CSMD1: variants seen among roughly 807,000 people sequenced by gnomAD.
The protein encoded by CSMD1 is CUB and sushi domain-containing protein 1.
A neutral mutation model predicts 417.5 loss-of-function variants in CSMD1; 213 were observed. The observed-to-expected ratio is 0.51, with a 90% CI of 0.46 to 0.57. The LOEUF is 0.57. CSMD1 is among the 20% of genes least tolerant of loss of function. CSMD1 has a pLI of 0.00. For synonymous variants in CSMD1, 2,862 were observed against 1,736.8 expected (o/e 1.65, Z -16.11); for missense variants, 6,923 against 4,529.7 (o/e 1.53, Z -15.17).
chr8:4,834,956 C>CAAAAAAAAAAAAA (rs1194297821), intron 1 of CSMD1, among the ~76,000 whole-genome samples: 1 of 19,834 alleles, frequency 5.0e-5, no homozygotes, highest in African/African-American at 1.8e-4. Flanking sequence ...GACTCCATCT[C>CAAAAAAAAAAAAA]AAAAAAAAAA....
chr8:4,012,055 A>T (rs1185122554), intron 4 of CSMD1, among the ~76,000 whole-genome samples: 2 of 152,174 alleles, frequency 1.3e-5, no homozygotes, highest in African/African-American at 4.8e-5. Context: ...TGGTCGGTAC[A>T]GATGCAGCCA....
chr8:4,783,294 C>T (rs939730424), intron 1 of CSMD1, among the ~76,000 whole-genome samples: 1 of 152,134 alleles, frequency 6.6e-6, no homozygotes, highest in Admixed American at 6.6e-5. Flanking sequence ...CAAAACCACA[C>T]AAGGTAAAAC....
At chr8:4,493,165 A>G (rs1351743317) in intron 2 of CSMD1, among the ~76,000 whole-genome samples, 3 of 152,208 alleles carry the variant, frequency 2.0e-5, no homozygotes, top group Non-Finnish European at 4.4e-5. Flanking sequence ...AGGCAGCAAT[A>G]GTATTCTTCA....
intron 25 of CSMD1, among the ~76,000 whole-genome samples, chr8:3,296,720 G>C (rs148324121): frequency 6.6e-6 from 1 of 152,286 alleles, no homozygotes; most frequent in African/African-American, 2.4e-5. Flanking sequence ...AGAGGTGTGC[G>C]TGAGGTGAGG....
chr8:4,876,520 A>G (rs1326568182), intron 1 of CSMD1, among the ~76,000 whole-genome samples: 1 of 152,150 alleles, frequency 6.6e-6, no homozygotes, highest in Non-Finnish European at 1.5e-5. Context: ...ATGTGTAAAC[A>G]TTTAAGCAAA....
Position 2,936,370 on chromosome 8 carries a change from A to ATAT in CSMD1, c.*2214_*2215insATA, listed in dbSNP as rs1554465599. On this transcript the variant is annotated 3_prime_UTR_variant, in exon 70 of 70. Transcript: ENST00000635120. ...GAATGACTCAAACTTAGATATGTACAATATATATATATATATATGTATGTA... is the reference window on the plus strand; with the variant it reads ...GAATGACTCAAACTTAGATATGTACATATATATATATATATATATATGTATGTA... 6 of 146,276 alleles carry ATAT rather than the reference A, an allele frequency of 4.1e-5. No individual in the cohort carries two copies. Among genetic ancestry groups the ATAT allele is most frequent in the Admixed American group, 6.9e-5 (1 of 14,502 alleles). 9.1% of individuals were successfully genotyped at this position (146,276 alleles called of 1,614,324 possible).
intron 3 of CSMD1, among the ~76,000 whole-genome samples, chr8:4,122,240 G>A (rs528743735): frequency 6.6e-6 from 1 of 152,124 alleles, no homozygotes; most frequent in African/African-American, 2.4e-5. Flanking sequence ...GGGAAGTGCA[G>A]TTGGTTTGAC....
chr8:3,468,766 G>T lies in CSMD1; in HGVS notation c.1507C>A (p.His503Asn), dbSNP rs745959484. The T allele has an allele frequency of 4.0e-5, 64 of 1,607,266 alleles. No homozygotes were observed. The highest frequency in any genetic ancestry group is 5.1e-5 in the Non-Finnish European group (60 of 1,177,112). Residue 503 changes from histidine to asparagine, a missense_variant, in exon 12 of 70, where the codon CAT (histidine) becomes AAT (asparagine). Transcript: ENST00000635120. ...IVSMSNQMWL[H>N]LQSDDSIGSP... ...CCAATGCTATCATCCGACTGCAGAT[G>T]TAGCCACATCTGGTTGCTCATGCTC...
intron 5 of CSMD1, among the ~76,000 whole-genome samples, chr8:3,757,674 C>T (rs1584952241): frequency 6.6e-6 from 1 of 152,052 alleles, no homozygotes. Flanking sequence ...ACAAGCATGG[C>T]CAACATGGTG....
At chr8:3,508,850 G>A (rs1305166958) in intron 10 of CSMD1, among the ~76,000 whole-genome samples, 1 of 152,122 alleles carries the variant, frequency 6.6e-6, no homozygotes, top group Non-Finnish European at 1.5e-5. Context: ...CTCCTACACT[G>A]GGAAACGGTG....
intron 26 of CSMD1, among the ~76,000 whole-genome samples, chr8:3,282,305 A>T (rs1325708472): frequency 6.6e-6 from 1 of 152,134 alleles, no homozygotes; most frequent in Non-Finnish European, 1.5e-5. Flanking sequence ...TGTGCTGTGG[A>T]CAGAGAGCAC....
At chr8:4,597,413 C>G (rs943584830) in intron 2 of CSMD1, among the ~76,000 whole-genome samples, 1 of 152,090 alleles carries the variant, frequency 6.6e-6, no homozygotes, top group Non-Finnish European at 1.5e-5. Context: ...TATCCATCCC[C>G]AAATGTAAAT....
At chr8:4,716,852 A>G (rs1332393243) in intron 1 of CSMD1, among the ~76,000 whole-genome samples, 1 of 152,178 alleles carries the variant, frequency 6.6e-6, no homozygotes, top group African/African-American at 2.4e-5. Context: ...AAACAACCAA[A>G]TTTTGTGTGT....
At chr8:4,146,594 A>AGTTTTTTTT (rs1804147380) in intron 3 of CSMD1, among the ~76,000 whole-genome samples, 1 of 64,244 alleles carries the variant, frequency 1.6e-5, no homozygotes, top group Non-Finnish European at 2.6e-5. Context: ...ATATGGACAC[A>AGTTTTTTTT]TTTTTTTTTT....
chr8:4,099,922 TCAA>T (rs886890062), intron 3 of CSMD1, among the ~76,000 whole-genome samples: 3 of 152,254 alleles, frequency 2.0e-5, no homozygotes, highest in South Asian at 2.1e-4. Context: ...TAACAAAAAA[TCAA>T]CAACAACAAC....
At chr8:4,072,567 A>G (rs768949434) in intron 3 of CSMD1, among the ~76,000 whole-genome samples, 2 of 152,220 alleles carry the variant, frequency 1.3e-5, no homozygotes, top group African/African-American at 2.4e-5. Flanking sequence ...TTTCATATAT[A>G]TAAGAAATAT....
At chr8:3,090,315 T>TCAAA (rs1814853337) in intron 48 of CSMD1, among the ~76,000 whole-genome samples, 3 of 15,048 alleles carry the variant, frequency 2.0e-4, no homozygotes, top group African/African-American at 1.1e-3. Flanking sequence ...AGACTGTATT[T>TCAAA]CAAAAAAAAA....
chr8:4,957,705 T>C (rs1299935989), intron 1 of CSMD1, among the ~76,000 whole-genome samples: 1 of 152,290 alleles, frequency 6.6e-6, no homozygotes, highest in East Asian at 1.9e-4. Flanking sequence ...AGATTTTTTG[T>C]TTGTTTCTTA....
chr8:4,366,665 T>A (rs762668304), intron 3 of CSMD1, among the ~76,000 whole-genome samples: 4 of 152,186 alleles, frequency 2.6e-5, no homozygotes, highest in Non-Finnish European at 5.9e-5. Context: ...TTGATTTGCA[T>A]GTCTCTAATA....
Sources: allele counts gnomAD v4.1 joint callset (sites outside exome capture counted in the v4.1 genomes callset), GRCh38; gene constraint gnomAD v4.1.1; transcripts MANE v1.5; gene names NCBI Gene and HGNC (gene_info 2026-07-23, HGNC 2026-07-21).